The following ANK3 variants were observed in gnomAD, a reference collection of about 807,000 sequenced individuals.
ANK3 encodes ankyrin-3.
In ANK3, 57 loss-of-function variants were observed where a neutral mutation model predicts 370.9. The observed-to-expected ratio is 0.15, with a 90% CI of 0.12 to 0.19. ANK3 has a LOEUF of 0.19. Ranked by LOEUF, ANK3 falls within the 10% of genes least tolerant of loss-of-function variation. ANK3 has a pLI of 1.00. For synonymous variants in ANK3, 1,929 were observed against 1,946.3 expected (o/e 0.99, Z 0.23); for missense variants, 4,439 against 5,302.1 (o/e 0.84, Z 5.06).
Position 60,621,633 on chromosome 10 carries a change from C to G in ANK3, c.58-6409G>C, listed in dbSNP as rs1206457659. On this transcript the variant is annotated intron_variant, in intron 1 of 43. Transcript: ENST00000373827. ...CTTGTTGAACTCAGACCAACTAATACAGTTAGAATTAACTACTAGCAAATT... is the reference window on the plus strand; with the variant it reads ...CTTGTTGAACTCAGACCAACTAATAGAGTTAGAATTAACTACTAGCAAATT... Among the ~76,000 whole-genome samples, 3 of 152,162 alleles carry G rather than the reference C, an allele frequency of 2.0e-5. No individual in the cohort carries two copies. In the East Asian group the frequency reaches 5.8e-4, roughly 29 times the overall value.
Position 60,373,084 on chromosome 10 carries a change from C to T in ANK3, c.114+16341G>A, listed in dbSNP as rs558505332. Among the ~76,000 whole-genome samples the T allele has an allele frequency of 3.3e-5, 5 of 152,306 alleles. No homozygotes were observed. In the South Asian group the frequency reaches 6.2e-4, roughly 19 times the overall value. ...GTAAAAAGTGATCCTCTTGCACATGCAATATTTTAGTTACATAACTTTGTA... is the reference window on the plus strand; with the variant it reads ...GTAAAAAGTGATCCTCTTGCACATGTAATATTTTAGTTACATAACTTTGTA... On this transcript the variant is annotated intron_variant, in intron 1 of 43. Transcript: ENST00000280772.
chr10:60,050,844 T>G, intron 42 of ANK3: 1 of 152,068 alleles, frequency 6.6e-6, no homozygotes, highest in African/African-American at 2.4e-5. Flanking sequence ...AATTGACTCC[T>G]ATACTTAAAA....
chr10:60,267,355 G>GA (rs1273608020), intron 5 of ANK3, among the ~76,000 whole-genome samples: 22 of 152,018 alleles, frequency 1.4e-4, no homozygotes, highest in African/African-American at 5.3e-4. Context: ...CAAAAGAAGA[G>GA]AAAAAATTCA....
intron 7 of ANK3, among the ~76,000 whole-genome samples, chr10:60,251,431 T>A (rs555528661): frequency 6.6e-6 from 1 of 152,312 alleles, no homozygotes. Context: ...GGTGCATCAC[T>A]GGCCTTTCGG....
chr10:60,671,405 C>T (rs968476957), intron 1 of ANK3, among the ~76,000 whole-genome samples: 3 of 152,210 alleles, frequency 2.0e-5, no homozygotes, highest in African/African-American at 7.2e-5. Context: ...TGGGCTCAGC[C>T]TAAAGGTCAC....
chr10:60,434,967 A>G (rs925173385), intron 2 of ANK3, among the ~76,000 whole-genome samples: 1 of 152,234 alleles, frequency 6.6e-6, no homozygotes. Context: ...AATGCCCAAC[A>G]GAAGTAAATG....
At chr10:60,667,195 AT>A (rs1440825201) in intron 1 of ANK3, among the ~76,000 whole-genome samples, 1 of 21,448 alleles carries the variant, frequency 4.7e-5, no homozygotes, top group Non-Finnish European at 1.1e-4. Flanking sequence ...ATATTATATT[AT>A]ATTATATTAT....
At chr10:60,619,094 TC>T (rs1183856003) in intron 1 of ANK3, among the ~76,000 whole-genome samples, 1 of 152,006 alleles carries the variant, frequency 6.6e-6, no homozygotes. Flanking sequence ...CCAGGCTTTC[TC>T]CCATCTCTCT....
intron 2 of ANK3, among the ~76,000 whole-genome samples, chr10:60,608,829 T>C (rs1182501472): frequency 6.6e-6 from 1 of 152,182 alleles, no homozygotes; most frequent in Non-Finnish European, 1.5e-5. Flanking sequence ...ATCTTAAATG[T>C]GGAGTATGTG....
At chr10:60,164,547 A>T (rs1373705143) in intron 23 of ANK3, among the ~76,000 whole-genome samples, 2 of 152,142 alleles carry the variant, frequency 1.3e-5, no homozygotes, top group East Asian at 3.9e-4. Context: ...TATCTGAAAG[A>T]TTGTCACACA....
At chr10:60,186,354 T>C (rs1444369192) in intron 17 of ANK3, among the ~76,000 whole-genome samples, 1 of 151,478 alleles carries the variant, frequency 6.6e-6, no homozygotes, top group Non-Finnish European at 1.5e-5. Flanking sequence ...TGTCTTTTTT[T>C]TTTTTTTTTT....
At chr10:60,687,535 A>AAAC (rs2079286440) in intron 1 of ANK3, among the ~76,000 whole-genome samples, 1 of 150,698 alleles carries the variant, frequency 6.6e-6, no homozygotes, top group Non-Finnish European at 1.5e-5. Flanking sequence ...TATAAAAAAA[A>AAAC]ACACACACAC....
At chr10:60,175,855 A>T (rs1311650141) in intron 18 of ANK3, among the ~76,000 whole-genome samples, 1 of 152,206 alleles carries the variant, frequency 6.6e-6, no homozygotes, top group Non-Finnish European at 1.5e-5. Flanking sequence ...TATGCATTAT[A>T]AAATGGACTT....
chr10:60,665,458 G>A (rs2078984633), intron 1 of ANK3, among the ~76,000 whole-genome samples: 2 of 152,146 alleles, frequency 1.3e-5, no homozygotes, highest in Non-Finnish European at 1.5e-5. Flanking sequence ...GCATGTAGCA[G>A]ATGCTCATGA....
At chr10:60,416,284 A>G (rs1473048712) in intron 2 of ANK3, among the ~76,000 whole-genome samples, 1 of 152,190 alleles carries the variant, frequency 6.6e-6, no homozygotes, top group Non-Finnish European at 1.5e-5. Flanking sequence ...ATTAAAATAG[A>G]AGATGGATAA....
chr10:60,651,565 C>T lies in ANK3; in HGVS notation c.58-36341G>A, dbSNP rs1484108766. On this transcript the variant is annotated intron_variant, in intron 1 of 43. Coordinates refer to the ANK3 transcript ENST00000373827. ...TTGTGAATTAACATGCATGTTTTTG[C>T]TATATAATGCAGCACAGATTAGCAA... Among the ~76,000 whole-genome samples the T allele has an allele frequency of 3.9e-5, 6 of 152,142 alleles. No homozygotes were observed. In the East Asian group the frequency reaches 1.2e-3, roughly 29 times the overall value.
At position 60,218,100 on chromosome 10, in the gene ANK3, T is replaced by TC. The variant is rs201308994; in HGVS notation, c.898-4591_898-4590insG. Reference sequence around the variant, plus strand: ...CCCCTGCTTTTTCTTTTTCTTTCTTTTTTTTTTTTTTTTTTTTGCTTTCCA... The same window carrying TC: ...CCCCTGCTTTTTCTTTTTCTTTCTTTCTTTTTTTTTTTTTTTTTGCTTTCCA... On this transcript the variant is annotated intron_variant, in intron 8 of 43. Coordinates refer to ENST00000280772, the MANE Select transcript of ANK3 (RefSeq NM_020987.5). Among the ~76,000 whole-genome samples, 452 of 92,292 alleles carry TC rather than the reference T, an allele frequency of 4.9e-3. 2 individuals carry two copies. The highest frequency in any genetic ancestry group is 0.014 in the South Asian group (45 of 3,222). 60.5% of individuals were successfully genotyped at this position (92,292 alleles called of 152,430 possible).
At chr10:60,077,101 A>G (rs1564842080) in intron 36 of ANK3, among the ~76,000 whole-genome samples, 2 of 152,336 alleles carry the variant, frequency 1.3e-5, no homozygotes, top group East Asian at 3.9e-4. Flanking sequence ...AAGCCACTGG[A>G]TTTTAAATCT....
chr10:60,493,802 T>C (rs79269109), intron 2 of ANK3, among the ~76,000 whole-genome samples: 11,685 of 152,126 alleles, frequency 0.077, 600 homozygotes, highest in South Asian at 0.17. Flanking sequence ...CAGAATTGGA[T>C]AAAATCACAC....
Sources: allele counts gnomAD v4.1 joint callset (sites outside exome capture counted in the v4.1 genomes callset), GRCh38; gene constraint gnomAD v4.1.1; transcripts MANE v1.5; gene names NCBI Gene and HGNC (gene_info 2026-07-23, HGNC 2026-07-21).